Variants in ODAD2 observed in about 807,000 individuals in gnomAD.
ODAD2 encodes outer dynein arm-docking complex subunit 2.
In ODAD2, 89 loss-of-function variants were observed where a neutral mutation model predicts 106.8. The observed-to-expected ratio is 0.83, with a 90% CI of 0.70 to 0.99. The LOEUF is 0.99. Ranked by LOEUF, ODAD2 falls within the 50% of genes least tolerant of loss-of-function variation. ODAD2 has a pLI of 0.00. For missense variants in ODAD2, 1,168 were observed against 1,238.5 expected (o/e 0.94, Z 0.85); for synonymous variants, 404 against 436.2 (o/e 0.93, Z 0.92).
At chr10:27,856,238 A>G (rs1315293130) in intron 19 of ODAD2, among the ~76,000 whole-genome samples, 1 of 152,162 alleles carries the variant, frequency 6.6e-6, no homozygotes, top group Non-Finnish European at 1.5e-5. Flanking sequence ...AGAGAATAGG[A>G]TTGAATATTC....
intron 15 of ODAD2, among the ~76,000 whole-genome samples, chr10:27,935,662 A>G (rs975815406): frequency 1.3e-5 from 2 of 151,844 alleles, no homozygotes; most frequent in South Asian, 2.1e-4. Flanking sequence ...TTTGGGTTTA[A>G]TAGGTCTCTT....
intron 4 of ODAD2, 50 bp downstream of exon 4, chr10:27,984,969 G>A (rs751601634): frequency 2.2e-6 from 3 of 1,369,118 alleles, no homozygotes; most frequent in Admixed American, 2.1e-5. Flanking sequence ...GAGTTCAGTG[G>A]TGCAATCTTG....
intron 14 of ODAD2, among the ~76,000 whole-genome samples, chr10:27,938,159 G>A (rs922841520): frequency 6.6e-5 from 10 of 152,144 alleles, no homozygotes; most frequent in Non-Finnish European, 1.3e-4. Flanking sequence ...GGCTGGTCTC[G>A]AACTCCTGAC....
In ODAD2 at chr10:27,940,656, A is replaced by G. The variant is rs1846344892; in HGVS notation, c.1893T>C (p.Ala631=). ...SHTNKEAIRK[A]GGIPLLARLL... ...GCCGAGCCAACAGAGGAATGCCCCC[A>G]GCTTTGCGGATGGCTTCTTTATTCG... Residue 631 remains alanine, a synonymous_variant, in exon 13 of 20, where the codon GCT becomes GCC. Transcript: ENST00000305242. 1.2e-6 allele frequency: 2 copies of G among 1,613,982 alleles called. No homozygotes were observed. Among genetic ancestry groups the G allele is most frequent in the African/African-American group, 1.3e-5 (1 of 74,916 alleles).
intron 19 of ODAD2, among the ~76,000 whole-genome samples, chr10:27,824,448 C>A (rs1433177969): frequency 6.6e-6 from 1 of 152,182 alleles, no homozygotes; most frequent in African/African-American, 2.4e-5. Context: ...GTACTTGCTT[C>A]CACCTACTGC....
At chr10:27,943,795 C>CAAAAAAAAAAAA (rs56059926) in intron 12 of ODAD2, among the ~76,000 whole-genome samples, 5 of 58,642 alleles carry the variant, frequency 8.5e-5, no homozygotes, top group Admixed American at 2.6e-4. Flanking sequence ...GGCTCTGTCT[C>CAAAAAAAAAAAA]AAAAAAAAAA....
chr10:27,885,595 TATATATATAAA>T (rs1842064868), intron 17 of ODAD2, among the ~76,000 whole-genome samples: 1 of 69,936 alleles, frequency 1.4e-5, no homozygotes, highest in South Asian at 3.5e-4. Flanking sequence ...TAAATATAAA[TATATATATAAA>T]ATATATATAA....
intron 17 of ODAD2, among the ~76,000 whole-genome samples, chr10:27,879,561 G>A (rs1841569565): frequency 6.6e-6 from 1 of 151,984 alleles, no homozygotes; most frequent in African/African-American, 2.4e-5. Flanking sequence ...TCTAAACAGT[G>A]AGTTGTACGG....
At chr10:27,871,964 G>A (rs888421725) in intron 17 of ODAD2, among the ~76,000 whole-genome samples, 5 of 152,194 alleles carry the variant, frequency 3.3e-5, no homozygotes, top group Non-Finnish European at 5.9e-5. Flanking sequence ...CCATTTTCAC[G>A]ATATTGATTC....
At chr10:27,878,532 C>A (rs1841497532) in intron 17 of ODAD2, among the ~76,000 whole-genome samples, 1 of 151,828 alleles carries the variant, frequency 6.6e-6, no homozygotes, top group Non-Finnish European at 1.5e-5. Context: ...TGACTCAAGA[C>A]AAAAATTTTT....
At chr10:27,954,597 G>A (rs745871418) in intron 10 of ODAD2, among the ~76,000 whole-genome samples, 2 of 152,214 alleles carry the variant, frequency 1.3e-5, no homozygotes, top group Non-Finnish European at 2.9e-5. Context: ...AAGTTGATGT[G>A]GTAGCATAGT....
chr10:27,851,055 G>A (rs1589823542), intron 19 of ODAD2, among the ~76,000 whole-genome samples: 1 of 152,122 alleles, frequency 6.6e-6, no homozygotes, highest in African/African-American at 2.4e-5. Context: ...GCTCAGTACT[G>A]CTTAGCACCT....
intron 19 of ODAD2, among the ~76,000 whole-genome samples, chr10:27,837,112 T>C (rs2133069421): frequency 6.6e-6 from 1 of 152,260 alleles, no homozygotes; most frequent in South Asian, 2.1e-4. Flanking sequence ...GGAAAATTTG[T>C]TGTCCACACA....
At chr10:27,850,509 A>G (rs1161101669) in intron 19 of ODAD2, among the ~76,000 whole-genome samples, 6 of 151,826 alleles carry the variant, frequency 4.0e-5, no homozygotes, top group African/African-American at 1.4e-4. Context: ...GTGAGCTGAT[A>G]TCGTACTACT....
intron 19 of ODAD2, among the ~76,000 whole-genome samples, chr10:27,840,068 A>G (rs1383399834): frequency 1.3e-5 from 2 of 152,224 alleles, no homozygotes; most frequent in African/African-American, 4.8e-5. Flanking sequence ...GTTCTTTAAT[A>G]AAAATAAAAC....
chr10:27,867,267 G>C (rs749701407), intron 17 of ODAD2, among the ~76,000 whole-genome samples: 2 of 152,148 alleles, frequency 1.3e-5, no homozygotes, highest in African/African-American at 2.4e-5. Context: ...GAAAGTTCCA[G>C]AACAGCAGCA....
chr10:27,997,514 C>G (rs1588683006), intron 1 of ODAD2: 1 of 151,978 alleles, frequency 6.6e-6, no homozygotes, highest in Admixed American at 6.6e-5. Flanking sequence ...CTTGAAGGAC[C>G]CTTAACACAG....
intron 19 of ODAD2, among the ~76,000 whole-genome samples, chr10:27,843,886 T>G (rs1297743856): frequency 6.6e-6 from 1 of 152,182 alleles, no homozygotes. Flanking sequence ...TTAAACTTGA[T>G]ATACTATAAC....
chr10:27,983,610 T>C (rs981421409), intron 6 of ODAD2, among the ~76,000 whole-genome samples: 1 of 152,184 alleles, frequency 6.6e-6, no homozygotes, highest in South Asian at 2.1e-4. Context: ...GTGGAATGGG[T>C]CACTTTGAAG....
Sources: gnomAD v4.1 joint callset for allele counts (sites outside exome capture counted in the v4.1 genomes callset) on GRCh38, gnomAD v4.1.1 for gene constraint, MANE v1.5 for transcripts, NCBI Gene and HGNC (gene_info 2026-07-23, HGNC 2026-07-21) for gene names.